SIRT2: variants seen among roughly 807,000 people sequenced by gnomAD.
The protein encoded by SIRT2 is sirtuin 2.
SIRT2 carries 40 observed loss-of-function variants against 57.4 expected under a neutral mutation model. The observed-to-expected ratio is 0.70, with a 90% CI of 0.54 to 0.91. The LOEUF is 0.91. SIRT2 is among the 40% of genes least tolerant of loss of function. The pLI is 0.00. For missense variants in SIRT2, 439 were observed against 510.4 expected, an observed-to-expected ratio of 0.86 and a Z score of 1.35; for synonymous variants, 161 against 195.7, an observed-to-expected ratio of 0.82 and a Z score of 1.48.
Position 38,893,814 on chromosome 19 carries a change from C to G in SIRT2, c.112+5G>C, listed in dbSNP as rs1008587014. ...TGCTCCCTGTCCCTCCAGGAAGATA[C>G]TCACTGTCTGCTTCTCCACCAGCGG... On this transcript the variant is annotated splice_donor_5th_base_variant and intron_variant, in intron 3 of 15. Coordinates refer to ENST00000249396, the MANE Select transcript of SIRT2 (RefSeq NM_012237.4). 6.2e-7 allele frequency: 1 copy of G among 1,614,050 alleles called. No individual in the cohort carries two copies. Among genetic ancestry groups the G allele is most frequent in the Non-Finnish European group, 8.5e-7 (1 of 1,179,976 alleles).
In SIRT2 at chr19:38,889,139, T is replaced by C. The variant is rs1313246046; in HGVS notation, c.449A>G (p.Tyr150Cys). 1 of 1,612,984 alleles carries C rather than the reference T, an allele frequency of 6.2e-7. No homozygotes were observed. The highest frequency in any genetic ancestry group is 1.3e-5 in the African/African-American group (1 of 74,928). ...PGQFKPTICH[Y>C]FMRLLKDKGL... is the part of the protein sequence containing the mutation. Reference sequence around the variant, plus strand: ...CTTGTCCTTCAGCAGGCGCATGAAGTAGTGACAGATGGTTGGCTGCAGGGA... The same window carrying C: ...CTTGTCCTTCAGCAGGCGCATGAAGCAGTGACAGATGGTTGGCTGCAGGGA... Residue 150 changes from tyrosine to cysteine, a missense_variant, in exon 8 of 16, where the codon TAC (tyrosine) becomes TGC (cysteine). By Grantham distance (194) the Tyr-to-Cys change is radical. Coordinates refer to ENST00000249396, the MANE Select transcript of SIRT2 (RefSeq NM_012237.4).
At position 38,880,726 on chromosome 19, in the gene SIRT2, A is replaced by G. The variant is rs764028671; in HGVS notation, c.835T>C (p.Ser279Pro). Residue 279 changes from serine (S) to proline (P), a missense_variant, in exon 13 of 16, where the codon TCC (serine) becomes CCC (proline). By Grantham distance (74) the Ser-to-Pro change is moderately conservative (BLOSUM62 -1). Transcript: ENST00000249396. The surrounding 1 kb of genome is among the most constrained non-coding windows in gnomAD (Gnocchi z 4.1). Reference sequence around the variant, plus strand: ...TTGTTGATGAGCAGGCGAGGGGTGGAGAGGGGTGCCCTGTGGGGAGGGGGA... The same window carrying G: ...TTGTTGATGAGCAGGCGAGGGGTGGGGAGGGGTGCCCTGTGGGGAGGGGGA... ...FASLISKAPLSTPRLLINKEK... is the reference protein window; with the variant it reads ...FASLISKAPLPTPRLLINKEK... The G allele has an allele frequency of 1.2e-6, 2 of 1,603,148 alleles. No homozygotes were observed. Among genetic ancestry groups the G allele is most frequent in the African/African-American group, 1.3e-5 (1 of 74,672 alleles).
At chr19:38,895,779 AAG>A (rs989175082) in intron 2 of SIRT2, among the ~76,000 whole-genome samples, 8 of 152,082 alleles carry the variant, frequency 5.3e-5, no homozygotes, top group East Asian at 1.9e-4. Flanking sequence ...TCTATTTAAA[AAG>A]AGAGAGAAAG....
chr19:38,881,193 A>G, intron 10 of SIRT2, 38 bp from the exon 11 acceptor site: 2 of 1,597,456 alleles, frequency 1.3e-6, no homozygotes, highest in South Asian at 2.2e-5. Context: ...AGACAGTGAC[A>G]TGGGGAGGCA....
intron 14 of SIRT2, 57 bp downstream of exon 14, chr19:38,879,575 C>T (rs1406599418): frequency 1.3e-6 from 2 of 1,554,558 alleles, no homozygotes; most frequent in Non-Finnish European, 1.7e-6. Flanking sequence ...CTTCGTGCCC[C>T]CGCTCCCACC....
At chr19:38,893,584 G>T (rs1973616298) in intron 3 of SIRT2, 57 bp from the exon 4 acceptor site, 3 of 1,333,770 alleles carry the variant, frequency 2.2e-6, no homozygotes, top group African/African-American at 2.9e-5. Flanking sequence ...GGGCATGGAT[G>T]TCTCCGGCAC....
chr19:38,883,797 C>T (rs375213314), intron 8 of SIRT2, 41 bp from the exon 9 acceptor site: 2 of 1,608,258 alleles, frequency 1.2e-6, no homozygotes, highest in African/African-American at 1.3e-5. Flanking sequence ...AGGAGTGAGC[C>T]ACCCCTTGTA....
Position 38,898,405 on chromosome 19 carries a change from G to C in SIRT2, c.37C>G (p.Gln13Glu). The change falls in exon 2 of 16, where the codon CAG (glutamine) becomes GAG (glutamate). Residue 13 changes from glutamine (Q) to glutamate (E), a missense_variant. Transcript: ENST00000249396. ...EPDPSHPLET[Q>E]AGKVQEAQDS... The stretch of plus-strand genomic sequence containing the variant: ...TGAGCCTCCTGCACCTTCCCTGCCT[G>C]GGTCTCCAGAGGGTGAGAGGCTGGG... 1 of 1,555,206 alleles carries C rather than the reference G, an allele frequency of 6.4e-7. No individual in the cohort carries two copies.
chr19:38,879,724 A>T, intron 13 of SIRT2, 22 bp from the exon 14 acceptor site: 1 of 1,549,482 alleles, frequency 6.5e-7, no homozygotes. Flanking sequence ...GGGGTGGGTC[A>T]GGGGCAGGAG....
intron 9 of SIRT2, 101 bp downstream of exon 9, chr19:38,883,526 A>C: frequency 6.9e-7 from 1 of 1,451,580 alleles, no homozygotes; most frequent in Non-Finnish European, 9.3e-7. Flanking sequence ...AAACAAAAAA[A>C]CCCCAAAGAA....
At chr19:38,895,837 C>G (rs1252937884) in intron 2 of SIRT2, among the ~76,000 whole-genome samples, 1 of 152,132 alleles carries the variant, frequency 6.6e-6, no homozygotes, top group Non-Finnish European at 1.5e-5. Context: ...CTTTGGGAGG[C>G]TGAGGTGGGT....
intron 1 of SIRT2, chr19:38,898,771 C>A: frequency 4.2e-6 from 1 of 239,856 alleles, no homozygotes; most frequent in Middle Eastern, 1.3e-3. Flanking sequence ...AAGCATGAGC[C>A]ATTGTTTCTG....
At chr19:38,895,218 C>T (rs1490434791) in intron 2 of SIRT2, among the ~76,000 whole-genome samples, 1 of 152,114 alleles carries the variant, frequency 6.6e-6, no homozygotes, top group African/African-American at 2.4e-5. Context: ...CAGCCTCCTC[C>T]CCCAGCCTCC....
intron 2 of SIRT2, 48 bp downstream of exon 2, chr19:38,898,330 TG>T: frequency 7.3e-7 from 1 of 1,369,124 alleles, no homozygotes; most frequent in Non-Finnish European, 9.7e-7. Context: ...GTGTGGGATG[TG>T]GAACAAGTCC....
chr19:38,899,357 C>G, intron 1 of SIRT2, 149 bp downstream of exon 1: 1 of 856,962 alleles, frequency 1.2e-6, no homozygotes, highest in East Asian at 2.6e-5. Flanking sequence ...CCTAGCGATA[C>G]AGATCGCTAA....
chr19:38,880,954 C>T lies in SIRT2; in HGVS notation c.748-57G>A, dbSNP rs892168700. 2.7e-5 allele frequency: 42 copies of T among 1,572,436 alleles called. No homozygotes were observed. The African/African-American group carries it at 3.8e-4, about 14-fold the overall frequency. On this transcript the variant is annotated intron_variant, in intron 11 of 15. Transcript: ENST00000249396. The surrounding 1 kb of genome is among the most constrained non-coding windows in gnomAD (Gnocchi z 4.1). ...CGCCCAGGCTGCGCCACCGCTCCCTCCCCCGCCCCCAGCAGCAAACCTCCC... is the reference window on the plus strand; with the variant it reads ...CGCCCAGGCTGCGCCACCGCTCCCTTCCCCGCCCCCAGCAGCAAACCTCCC...
At position 38,894,663 on chromosome 19, in the gene SIRT2, A is replaced by G. The variant is rs188557992; in HGVS notation, c.64-796T>C. Among the ~76,000 whole-genome samples the G allele has an allele frequency of 3.3e-3, 507 of 151,994 alleles. 3 individuals are homozygous for G. Among genetic ancestry groups the G allele is most frequent in the African/African-American group, 0.011 (476 of 41,436 alleles). Reference sequence around the variant, plus strand: ...ATTCCAATGCAAAGCCTTGGCCCTCACTTCAAGGACCTATGTGCCCCCTGC... The same window carrying G: ...ATTCCAATGCAAAGCCTTGGCCCTCGCTTCAAGGACCTATGTGCCCCCTGC... On this transcript the variant is annotated intron_variant, in intron 2 of 15. Coordinates refer to ENST00000249396, the MANE Select transcript of SIRT2 (RefSeq NM_012237.4).
chr19:38,880,426 C>T lies in SIRT2; in HGVS notation c.876+259G>A. The T allele has an allele frequency of 2.3e-6, 1 of 436,396 alleles. No individual in the cohort carries two copies. Among genetic ancestry groups the T allele is most frequent in the Non-Finnish European group, 4.0e-6 (1 of 247,226 alleles). The allele number at this position is 436,396 out of a possible 1,614,324, so 27.0% of individuals were successfully genotyped here. On this transcript the variant is annotated intron_variant, in intron 13 of 15. Coordinates refer to ENST00000249396, the MANE Select transcript of SIRT2 (RefSeq NM_012237.4). This position sits in a 1 kb window ranked among gnomAD's most constrained non-coding sequence, Gnocchi z 4.1. ...CACTGTCTCTCCTGACCCCTGCACCCCCTCCCACCTCCTCAGTCCCTGGAA... is the reference window on the plus strand; with the variant it reads ...CACTGTCTCTCCTGACCCCTGCACCTCCTCCCACCTCCTCAGTCCCTGGAA...
At position 38,883,626 on chromosome 19, in the gene SIRT2, C is replaced by T. The variant is rs771512920; in HGVS notation, c.631+1G>A. 1.2e-6 allele frequency: 2 copies of T among 1,613,446 alleles called. No homozygotes were observed. The highest frequency in any genetic ancestry group is 8.5e-7 in the Non-Finnish European group (1 of 1,179,518). On this transcript the variant is annotated splice_donor_variant, in intron 9 of 15. Coordinates refer to ENST00000249396, the MANE Select transcript of SIRT2 (RefSeq NM_012237.4). LOFTEE classifies it high-confidence loss of function. ...GCCCTCAGGATGCCCTCCAGCCTCA[C>T]CTTTCATCCAGCTTAGCGGGTATTC...
Sources: allele counts gnomAD v4.1 joint callset (sites outside exome capture counted in the v4.1 genomes callset), GRCh38; gene constraint gnomAD v4.1.1; non-coding constraint Gnocchi (gnomAD v3.1); transcripts MANE v1.5; gene names NCBI Gene and HGNC (gene_info 2026-07-23, HGNC 2026-07-21).